The following PKD1L1 variants were observed in gnomAD, a reference collection of about 807,000 sequenced individuals.
PKD1L1 encodes polycystin-1-like protein 1.
A neutral mutation model predicts 323.4 loss-of-function variants in PKD1L1; 236 were observed. That is an observed-to-expected ratio of 0.73 (90% CI 0.66 to 0.81). PKD1L1 has a LOEUF of 0.81. Ranked by LOEUF, PKD1L1 falls within the 40% of genes least tolerant of loss-of-function variation. PKD1L1 has a pLI of 0.00. For missense variants in PKD1L1, 3,320 were observed against 3,508.0 expected (o/e 0.95, Z 1.35); for synonymous variants, 1,344 against 1,335.0 (o/e 1.01, Z -0.15).
At chr7:47,931,002 G>A in intron 6 of PKD1L1, 102 bp downstream of exon 6, 1 of 1,208,218 alleles carries the variant, frequency 8.3e-7, no homozygotes, top group Non-Finnish European at 1.2e-6. Flanking sequence ...TATAATTAAA[G>A]CAAACAACGA....
intron 6 of PKD1L1, 72 bp downstream of exon 6, chr7:47,931,032 G>A (rs539404523): frequency 4.4e-5 from 62 of 1,421,948 alleles, no homozygotes; most frequent in South Asian, 5.2e-5. Flanking sequence ...AATCACTAAC[G>A]GATTGGGCAT....
intron 21 of PKD1L1, 60 bp from the exon 22 acceptor site, chr7:47,877,691 A>G: frequency 6.4e-7 from 1 of 1,568,308 alleles, no homozygotes; most frequent in Non-Finnish European, 8.7e-7. Context: ...CAGCATAGGA[A>G]TAAGTTTTTA....
At chr7:47,912,555 C>T (rs945127771) in intron 8 of PKD1L1, among the ~76,000 whole-genome samples, 2 of 152,022 alleles carry the variant, frequency 1.3e-5, no homozygotes, top group African/African-American at 4.8e-5. Context: ...GTGGCTCAGA[C>T]CTGTGATCCT....
chr7:47,857,659 G>A lies in PKD1L1; in HGVS notation c.4536C>T (p.Ser1512=). ...GAETQSPCYI[S]QLILFKKNPY... ...GGTTCTTCTTGAAGAGTATGAGCTG[G>A]CTAATGTAGCATGGGCTCTGTGTCT... Residue 1512 remains serine (S), a synonymous_variant, in exon 28 of 57, where the codon AGC becomes AGT. Coordinates refer to ENST00000289672, the MANE Select transcript of PKD1L1 (RefSeq NM_138295.5). 1 of 1,614,212 alleles carries A rather than the reference G, an allele frequency of 6.2e-7. No individual in the cohort carries two copies. Among genetic ancestry groups the A allele is most frequent in the Non-Finnish European group, 8.5e-7 (1 of 1,180,044 alleles).
chr7:47,829,802 T>C (rs1302835618), intron 43 of PKD1L1, among the ~76,000 whole-genome samples: 1 of 152,188 alleles, frequency 6.6e-6, no homozygotes, highest in Non-Finnish European at 1.5e-5. Context: ...CTGAGTTCAA[T>C]TTCCTCAAAT....
intron 14 of PKD1L1, among the ~76,000 whole-genome samples, chr7:47,896,414 T>G (rs1786937250): frequency 6.6e-6 from 1 of 151,156 alleles, no homozygotes; most frequent in Non-Finnish European, 1.5e-5. Context: ...TCAGTTGTTG[T>G]GTCTAAACTG....
At chr7:47,885,562 G>A (rs1449337059) in intron 18 of PKD1L1, 124 bp downstream of exon 18, 4 of 1,321,132 alleles carry the variant, frequency 3.0e-6, no homozygotes, top group South Asian at 1.4e-5. Context: ...TGTGAACCTG[G>A]CGCTTTCTGA....
chr7:47,790,334 A>ATTTTTTTTT (rs35927380), intron 56 of PKD1L1, among the ~76,000 whole-genome samples: 2 of 146,432 alleles, frequency 1.4e-5, no homozygotes, highest in African/African-American at 5.0e-5. Context: ...TAAATAAATA[A>ATTTTTTTTT]TTTTTTTTTT....
chr7:47,802,948 T>C (rs553973037), intron 53 of PKD1L1, among the ~76,000 whole-genome samples: 1 of 152,378 alleles, frequency 6.6e-6, no homozygotes, highest in East Asian at 1.9e-4. Context: ...TAACTACTTA[T>C]ATTAGTAATA....
Position 47,929,232 on chromosome 7 carries a change from C to A in PKD1L1, c.1032G>T (p.Ala344=). Residue 344 remains alanine, a synonymous_variant, in exon 7 of 57, where the codon GCG becomes GCT. Coordinates refer to ENST00000289672, the MANE Select transcript of PKD1L1 (RefSeq NM_138295.5). The part of the protein sequence containing the change: ...MRLHNMSEAM[A]VTAYHQYSKG... ...TTGAGTACTGGTGGTAGGCAGTCACCGCCATTGCCTCAGACATGTTGTGTA... is the reference window on the plus strand; with the variant it reads ...TTGAGTACTGGTGGTAGGCAGTCACAGCCATTGCCTCAGACATGTTGTGTA... The A allele has an allele frequency of 6.8e-6, 11 of 1,614,112 alleles. No homozygotes were observed. Among genetic ancestry groups the A allele is most frequent in the Non-Finnish European group, 9.3e-6 (11 of 1,179,994 alleles).
intron 8 of PKD1L1, 88 bp from the exon 9 acceptor site, chr7:47,908,338 A>G: frequency 8.0e-7 from 1 of 1,252,146 alleles, no homozygotes; most frequent in Non-Finnish European, 1.1e-6. Flanking sequence ...AAATGGGGTG[A>G]TTAATATGGG....
rs1562950778 is a variant in PKD1L1, at chr7:47,831,332, C to T, written c.6358G>A (p.Gly2120Arg). Reference sequence around the variant, plus strand: ...GCCCTTGACCACTGGGGCATTAGTCCCTCCAAACCACTGCTGGGTGCTGCG... The same window carrying T: ...GCCCTTGACCACTGGGGCATTAGTCTCTCCAAACCACTGCTGGGTGCTGCG... ...HTQAPSSGLE[G>R]LMPQWSRALQ... The change falls in exon 42 of 57, where the codon GGA becomes AGA. Residue 2120 changes from glycine (G) to arginine (R), a missense_variant. Physicochemically the swap from Gly to Arg is moderately radical, Grantham distance 125. Coordinates refer to ENST00000289672, the MANE Select transcript of PKD1L1 (RefSeq NM_138295.5). 1 of 1,613,744 alleles carries T rather than the reference C, an allele frequency of 6.2e-7. No individual in the cohort carries two copies. The highest frequency in any genetic ancestry group is 1.7e-5 in the Admixed American group (1 of 59,926).
intron 9 of PKD1L1, among the ~76,000 whole-genome samples, chr7:47,907,398 C>T (rs532496991): frequency 1.4e-4 from 22 of 152,094 alleles, no homozygotes; most frequent in South Asian, 6.2e-4. Flanking sequence ...CTTTTTTCTA[C>T]GGTAAGTGGC....
intron 41 of PKD1L1, among the ~76,000 whole-genome samples, chr7:47,831,923 A>T (rs997908726): frequency 7.2e-5 from 11 of 152,170 alleles, no homozygotes; most frequent in Admixed American, 5.9e-4. Context: ...GGTCCCCTGC[A>T]GTTTTCAACC....
rs147582539 is a variant in PKD1L1, at chr7:47,885,068, T to C, written c.3206-411A>G. ...AGAAATGGACACAAGAATGCCCTGC[T>C]GCAAATGTCGCCTCCTGTCCCCTCA... On this transcript the variant is annotated intron_variant, in intron 18 of 56. Transcript: ENST00000289672. Among the ~76,000 whole-genome samples the C allele has an allele frequency of 4.9e-3, 741 of 152,312 alleles. 6 individuals are homozygous for C. The highest frequency in any genetic ancestry group is 0.016 in the African/African-American group (655 of 41,574).
intron 33 of PKD1L1, 24 bp from the exon 34 acceptor site, chr7:47,843,193 A>G (rs1218700584): frequency 6.4e-7 from 1 of 1,561,674 alleles, no homozygotes; most frequent in Non-Finnish European, 8.7e-7. Flanking sequence ...GAGAGATATA[A>G]AGAAAATTGC....
Position 47,810,286 on chromosome 7 carries a change from G to C in PKD1L1, c.7582-709C>G, listed in dbSNP as rs1784867144. ...CTGCAAGGTGTTTAACAGCAGTGCT[G>C]TGCTGAGCCTTATTGGAGCCTGAGG... is the stretch of plus-strand genomic sequence containing the variant. On this transcript the variant is annotated intron_variant, in intron 50 of 56. Transcript: ENST00000289672. Among the ~76,000 whole-genome samples, 8 of 152,220 alleles carry C rather than the reference G, an allele frequency of 5.3e-5. 1 individual carries two copies. The South Asian group carries it at 1.7e-3, about 32-fold the overall frequency.
Position 47,840,564 on chromosome 7 carries a change from A to G in PKD1L1, c.5449T>C (p.Tyr1817His). The change falls in exon 35 of 57, where the codon TAC becomes CAC. Residue 1817 changes from tyrosine to histidine, a missense_variant. Transcript: ENST00000289672. This position sits in a 1 kb window ranked among gnomAD's most constrained non-coding sequence, Gnocchi z 4.1. ...CCATTGTCGCCACATAAAACAATGTACACCTCAAAACAAAGAACAGGGGTG... is the reference window on the plus strand; with the variant it reads ...CCATTGTCGCCACATAAAACAATGTGCACCTCAAAACAAAGAACAGGGGTG... ...RAPARLTSKV[Y>H]IVLCGDNGLS... The G allele has an allele frequency of 6.2e-7, 1 of 1,611,476 alleles. No individual in the cohort carries two copies. The highest frequency in any genetic ancestry group is 8.5e-7 in the Non-Finnish European group (1 of 1,177,652).
chr7:47,857,878 A>C (rs773070188), intron 27 of PKD1L1, 46 bp from the exon 28 acceptor site: 1 of 1,560,352 alleles, frequency 6.4e-7, no homozygotes, highest in East Asian at 2.2e-5. Context: ...ACACAAATGC[A>C]CAAACTGTCT....
Sources: allele counts gnomAD v4.1 joint callset (sites outside exome capture counted in the v4.1 genomes callset), GRCh38; gene constraint gnomAD v4.1.1; non-coding constraint Gnocchi (gnomAD v3.1); transcripts MANE v1.5; gene names NCBI Gene and HGNC (gene_info 2026-07-23, HGNC 2026-07-21).